The following PADI1 variants were observed in gnomAD, a reference collection of about 807,000 sequenced individuals.
PADI1 encodes the protein peptidyl arginine deiminase 1, also known as protein-arginine deiminase type-1.
In PADI1, 65 loss-of-function variants were observed where a neutral mutation model predicts 74.8. The ratio of observed to expected loss-of-function variants is 0.87; its 90% CI spans 0.71 to 1.07. The LOEUF is 1.07. PADI1 is among the 50% of genes least tolerant of loss of function. The pLI is 0.00. For synonymous variants in PADI1, 371 were observed against 336.2 expected (o/e 1.10, Z -1.13); for missense variants, 943 against 854.0 (o/e 1.10, Z -1.30).
At chr1:17,218,679 T>C (rs1176461411) in intron 1 of PADI1, among the ~76,000 whole-genome samples, 2 of 151,354 alleles carry the variant, frequency 1.3e-5, no homozygotes, top group African/African-American at 4.9e-5. Flanking sequence ...TAATTGGAGG[T>C]GTCAAGGGAG....
chr1:17,219,799 C>T (rs1302024119), intron 1 of PADI1, among the ~76,000 whole-genome samples: 1 of 152,044 alleles, frequency 6.6e-6, no homozygotes, highest in Non-Finnish European at 1.5e-5. Context: ...TTGCCCACCT[C>T]CAGGCCCAGG....
rs763383512 is a variant in PADI1 at position 17,222,418 on chromosome 1, C to T, written c.221C>T (p.Ala74Val). The change falls in exon 2 of 16, where the codon GCA (alanine) becomes GTA (valine). Residue 74 changes from alanine (A) to valine (V), a missense_variant. By Grantham distance (64) the Ala-to-Val change is moderately conservative. Coordinates refer to ENST00000375471, the MANE Select transcript of PADI1 (RefSeq NM_013358.3). ...GKARWPLDTD[A>V]DMVVSVGTAS... ...GCCCGTTGGCCGCTAGACACTGATG[C>T]AGACATGGTCGTATCTGTGGGCACA... 10 of 1,613,934 alleles carry T rather than the reference C, an allele frequency of 6.2e-6. No individual in the cohort carries two copies. Among genetic ancestry groups the T allele is most frequent in the Non-Finnish European group, 8.5e-6 (10 of 1,179,932 alleles).
chr1:17,225,914 T>C lies in PADI1; in HGVS notation c.512T>C (p.Leu171Pro), dbSNP rs934579433. Reference protein sequence around the residue: ...SAEPDLTHSWLMSLADLQDMS... With the variant: ...SAEPDLTHSWPMSLADLQDMS... ...GAGCCTGACCTCACCCACAGCTGGC[T>C]GATGTCGCTGGCTGGTGAGTGACAC... Residue 171 changes from leucine to proline, a missense_variant, in exon 5 of 16, where the codon CTG (leucine) becomes CCG (proline). Physicochemically the swap from Leu to Pro is moderately conservative, Grantham distance 98. Transcript: ENST00000375471. 1.2e-6 allele frequency: 2 copies of C among 1,613,758 alleles called. No individual in the cohort carries two copies. The highest frequency in any genetic ancestry group is 2.7e-5 in the African/African-American group (2 of 74,874).
At chr1:17,235,010 G>T (rs3003410) in intron 11 of PADI1, among the ~76,000 whole-genome samples, 3 of 151,842 alleles carry the variant, frequency 2.0e-5, no homozygotes, top group Admixed American at 6.6e-5. Flanking sequence ...CCAGCTACTT[G>T]GGAGGCTGAG....
rs199615600 is a variant in PADI1 at position 17,228,999 on chromosome 1, C to T, written c.877C>T (p.Pro293Ser). Residue 293 changes from proline (P) to serine (S), a missense_variant, in exon 8 of 16, where the codon CCC becomes TCC. Transcript: ENST00000375471. ...AGACACTGTGGGCTTCCGCATGGCC[C>T]CCTGGATCATGACGCCCAACACTCA... ...FTDTVGFRMA[P>S]WIMTPNTQPP... The T allele has an allele frequency of 1.9e-4, 304 of 1,595,698 alleles. 1 individual carries two copies. Among genetic ancestry groups the T allele is most frequent in the Admixed American group, 1.7e-5 (1 of 57,230 alleles).
In PADI1 at chr1:17,233,617, A is replaced by T. The variant is rs77618840; in HGVS notation, c.1313+647A>T. 1.5e-3 allele frequency among the ~76,000 whole-genome samples: 224 copies of T among 152,358 alleles called. 7 individuals are homozygous for T. The East Asian group carries it at 0.038, about 26-fold the overall frequency. On this transcript the variant is annotated intron_variant, in intron 11 of 15. Transcript: ENST00000375471. ...CCTCCCTGCAGGTAACCAAAGAATG[A>T]CGTGTGCAGTTCAGGGTCCTGGTGG... is the stretch of plus-strand genomic sequence containing the variant.
chr1:17,225,886 G>A lies in PADI1; in HGVS notation c.484G>A (p.Ala162Thr), dbSNP rs374890157. The A allele has an allele frequency of 6.9e-5, 112 of 1,613,956 alleles. No homozygotes were observed. The highest frequency in any genetic ancestry group is 1.6e-4 in the Middle Eastern group (1 of 6,084). The change falls in exon 5 of 16, where the codon GCA (alanine) becomes ACA (threonine). Residue 162 changes from alanine (A) to threonine (T), a missense_variant. Physicochemically the swap from Ala to Thr is moderately conservative, Grantham distance 58. Transcript: ENST00000375471. ...CTGTGACCGGGACAATCACAGGTCC[G>A]CAGAGCCTGACCTCACCCACAGCTG... is the stretch of plus-strand genomic sequence containing the variant. ...VNCDRDNHRS[A>T]EPDLTHSWLM... is the part of the protein sequence containing the mutation.
intron 6 of PADI1, among the ~76,000 whole-genome samples, chr1:17,228,251 T>C (rs1430515879): frequency 2.0e-5 from 3 of 152,232 alleles, no homozygotes; most frequent in Non-Finnish European, 4.4e-5. Flanking sequence ...GTGCTGGGAT[T>C]ATAGACATGA....
rs537399312 is a variant in PADI1 at position 17,216,371 on chromosome 1, C to T, written c.93-5919C>T. ...TGGCAGAGGTGAGAGCGGTCAGGGT[C>T]TGCAGTTGCTATGAAGGTGGAGCTG... On this transcript the variant is annotated intron_variant, in intron 1 of 15. Transcript: ENST00000375471. 2.6e-5 allele frequency among the ~76,000 whole-genome samples: 4 copies of T among 152,068 alleles called. No homozygotes were observed. The East Asian group carries it at 5.8e-4, about 22-fold the overall frequency.
intron 1 of PADI1, among the ~76,000 whole-genome samples, chr1:17,220,370 T>C (rs762053158): frequency 6.6e-6 from 1 of 152,190 alleles, no homozygotes; most frequent in East Asian, 1.9e-4. Flanking sequence ...GTCTGGTTTC[T>C]CCAGAGGGCT....
intron 1 of PADI1, among the ~76,000 whole-genome samples, chr1:17,212,976 G>A (rs112774902): frequency 1.5e-4 from 23 of 152,354 alleles, no homozygotes; most frequent in African/African-American, 4.6e-4. Context: ...AGAGGAGCTC[G>A]AATTGCACAC....
chr1:17,238,704 T>A lies in PADI1; in HGVS notation c.1547T>A (p.Phe516Tyr). 6.6e-6 allele frequency: 10 copies of A among 1,512,670 alleles called. No individual in the cohort carries two copies. Among genetic ancestry groups the A allele is most frequent in the Non-Finnish European group, 8.1e-6 (9 of 1,117,894 alleles). The allele number at this position is 1,512,670 out of a possible 1,614,324, so 93.7% of individuals were successfully genotyped here. Reference protein sequence around the residue: ...KEEGYGEAAQFDGLKHQAKRS... With the variant: ...KEEGYGEAAQYDGLKHQAKRS... Reference sequence around the variant, plus strand: ...GAGGGTTATGGGGAGGCAGCCCAGTTTGATGGTGAGTGCCAATGACCCGGT... The same window carrying A: ...GAGGGTTATGGGGAGGCAGCCCAGTATGATGGTGAGTGCCAATGACCCGGT... Residue 516 changes from phenylalanine (F) to tyrosine (Y), a missense_variant, in exon 13 of 16, where the codon TTT (phenylalanine) becomes TAT (tyrosine). Transcript: ENST00000375471.
At chr1:17,227,235 CAA>C (rs59052605) in intron 6 of PADI1, among the ~76,000 whole-genome samples, 15 of 76,292 alleles carry the variant, frequency 2.0e-4, no homozygotes, top group Non-Finnish European at 1.9e-4. Context: ...GACTTCATCT[CAA>C]AAAAAAAAAA....
chr1:17,232,954 G>C lies in PADI1; in HGVS notation c.1297G>C (p.Gly433Arg), dbSNP rs763381019. 1 of 1,607,472 alleles carries C rather than the reference G, an allele frequency of 6.2e-7. No individual in the cohort carries two copies. Among genetic ancestry groups the C allele is most frequent in the Non-Finnish European group, 8.5e-7 (1 of 1,178,176 alleles). Residue 433 changes from glycine to arginine, a missense_variant, in exon 11 of 16, where the codon GGG (glycine) becomes CGG (arginine). Transcript: ENST00000375471. ...ATACCCCCTGGGCCGGATCCTCATC[G>C]GGAGCAGCTTCCCCAAGTGAGGGGC... ...TEYPLGRILI[G>R]SSFPKSGGRQ...
In PADI1 at chr1:17,226,065, T is replaced by G. The variant is rs550703961; in HGVS notation, c.559T>G (p.Cys187Gly). The G allele has an allele frequency of 6.0e-5, 97 of 1,614,146 alleles. No homozygotes were observed. In the South Asian group the frequency reaches 9.3e-4, roughly 16 times the overall value. ...GGACATGTCCCCAATGCTGCTGAGC[T>G]GCAATGGCCCCGACAAGCTCTTCGA... is the stretch of plus-strand genomic sequence containing the variant. ...LQDMSPMLLS[C>G]NGPDKLFDSH... The change falls in exon 6 of 16, where the codon TGC becomes GGC. Residue 187 changes from cysteine to glycine, a missense_variant. By Grantham distance (159) the Cys-to-Gly change is radical (BLOSUM62 -3). Coordinates refer to ENST00000375471, the MANE Select transcript of PADI1 (RefSeq NM_013358.3).
In PADI1 at chr1:17,239,962, A is replaced by G. The variant is rs576558468; in HGVS notation, c.1632+179A>G. ...AGGAACCCACAGTCTGATGGAAGAG[A>G]CAGAGCCATGCCCTCAGAGAGCTCC... On this transcript the variant is annotated intron_variant, in intron 14 of 15. Transcript: ENST00000375471. 3.8e-4 allele frequency: 231 copies of G among 600,298 alleles called. 1 individual carries two copies. The African/African-American group carries it at 3.9e-3, about 10-fold the overall frequency. The allele number at this position is 600,298 out of a possible 1,614,324, so 37.2% of individuals were successfully genotyped here. A position where few individuals can be genotyped will look rare whatever the true frequency, so the allele number is the denominator to read the frequency against.
At chr1:17,241,857 A>G (rs987015074) in intron 15 of PADI1, among the ~76,000 whole-genome samples, 1 of 145,544 alleles carries the variant, frequency 6.9e-6, no homozygotes, top group Non-Finnish European at 1.5e-5. Flanking sequence ...CAGGGTTGGA[A>G]GTGAATGTCG....
chr1:17,237,227 C>T, intron 11 of PADI1, 87 bp from the exon 12 acceptor site: 1 of 1,437,534 alleles, frequency 7.0e-7, no homozygotes, highest in Non-Finnish European at 9.3e-7. Context: ...CAATTCCGCC[C>T]CCTGGTGGCA....
In PADI1 at chr1:17,244,007, C is replaced by T; in HGVS notation, c.1759-3C>T. On this transcript the variant is annotated splice_region_variant and splice_polypyrimidine_tract_variant and intron_variant, in intron 15 of 15. Coordinates refer to ENST00000375471, the MANE Select transcript of PADI1 (RefSeq NM_013358.3). ...CCTCCCTCTTGCCTTTTCTCTTTTGCAGGTTAACATGGTGGTCTTAGGCAA... is the reference window on the plus strand; with the variant it reads ...CCTCCCTCTTGCCTTTTCTCTTTTGTAGGTTAACATGGTGGTCTTAGGCAA... 2 of 1,604,256 alleles carry T rather than the reference C, an allele frequency of 1.2e-6. No individual in the cohort carries two copies. Among genetic ancestry groups the T allele is most frequent in the South Asian group, 2.2e-5 (2 of 90,662 alleles).
Sources: gnomAD v4.1 joint callset for allele counts (sites outside exome capture counted in the v4.1 genomes callset) on GRCh38, gnomAD v4.1.1 for gene constraint, MANE v1.5 for transcripts, NCBI Gene and HGNC (gene_info 2026-07-23, HGNC 2026-07-21) for gene names.